DIO2: variants seen among roughly 807,000 people sequenced by gnomAD.
DIO2 encodes the protein type II iodothyronine deiodinase.
In DIO2, 19 loss-of-function variants were observed where a neutral mutation model predicts 21.4. The observed-to-expected ratio is 0.89, with a 90% CI of 0.62 to 1.30. The LOEUF (loss-of-function observed/expected upper bound fraction) is 1.30. DIO2 is among the 50% of genes most tolerant of loss of function. The probability of loss-of-function intolerance (pLI) is 0.00; values close to 1 mark genes in which losing one functional copy is unlikely to be tolerated. For missense variants in DIO2, 302 were observed against 338.1 expected, an observed-to-expected ratio of 0.89 and a Z score of 0.84; for synonymous variants, 122 against 132.9, an observed-to-expected ratio of 0.92 and a Z score of 0.57.
At position 80,199,962 on chromosome 14, in the gene DIO2, A is replaced by C. The variant is rs748325829; in HGVS notation, c.*2727T>G. On this transcript the variant is annotated 3_prime_UTR_variant, in exon 2 of 2. Coordinates refer to ENST00000438257, the MANE Select transcript of DIO2 (RefSeq NM_013989.5). Reference sequence around the variant, plus strand: ...TTATAAAACACATGAAACGCACATGAGTATTGGCAATCTAATAATTTCTCA... The same window carrying C: ...TTATAAAACACATGAAACGCACATGCGTATTGGCAATCTAATAATTTCTCA... The C allele has an allele frequency of 6.6e-6, 1 of 152,614 alleles. No individual in the cohort carries two copies. The highest frequency in any genetic ancestry group is 2.4e-5 in the African/African-American group (1 of 41,442). The allele number at this position is 152,614 out of a possible 1,614,324, so 9.5% of individuals were successfully genotyped here.
rs531136120 is a variant in DIO2, at chr14:80,209,055, A to C, written c.222+2196T>G. 5.3e-5 allele frequency among the ~76,000 whole-genome samples: 8 copies of C among 152,354 alleles called. No individual in the cohort carries two copies. In the East Asian group the frequency reaches 1.5e-3, roughly 29 times the overall value. ...TACAAACCATATGCAAAAAGAAAAA[A>C]CAAATCACTCATCCTTCCCAATTTC... On this transcript the variant is annotated intron_variant, in intron 1 of 1. Coordinates refer to ENST00000438257, the MANE Select transcript of DIO2 (RefSeq NM_013989.5).
At chr14:80,207,008 A>G (rs1277433883) in intron 1 of DIO2, among the ~76,000 whole-genome samples, 1 of 152,154 alleles carries the variant, frequency 6.6e-6, no homozygotes, top group African/African-American at 2.4e-5. Flanking sequence ...TTATTTTGCA[A>G]GGATCAGAAA....
chr14:80,217,456 T>C (rs749649324), intron 2 of DIO2, among the ~76,000 whole-genome samples: 12 of 152,020 alleles, frequency 7.9e-5, no homozygotes, highest in Middle Eastern at 3.2e-3. Flanking sequence ...TGAAGACTAA[T>C]TTTTTTGTCA....
intron 2 of DIO2, among the ~76,000 whole-genome samples, chr14:80,227,626 G>A (rs1191977030): frequency 6.6e-6 from 1 of 152,158 alleles, no homozygotes; most frequent in East Asian, 1.9e-4. Context: ...TCACCTATGA[G>A]GGCCTGCCAA....
chr14:80,219,213 G>C (rs1381602371), intron 2 of DIO2, among the ~76,000 whole-genome samples: 1 of 152,192 alleles, frequency 6.6e-6, no homozygotes, highest in Non-Finnish European at 1.5e-5. Flanking sequence ...GGAAGGTAGG[G>C]CTGGATTTAG....
chr14:80,204,281 C>G (rs1470046210), intron 1 of DIO2, among the ~76,000 whole-genome samples: 1 of 152,040 alleles, frequency 6.6e-6, no homozygotes, highest in Admixed American at 6.5e-5. Context: ...TCTCATTTTC[C>G]ATGTGTGCTT....
At chr14:80,206,349 G>GA (rs763047391) in intron 1 of DIO2, 34 of 1,470,106 alleles carry the variant, frequency 2.3e-5, no homozygotes, top group East Asian at 7.4e-5. Context: ...CTAAAATAAA[G>GA]AAAAAAAACT....
Position 80,198,545 on chromosome 14 carries a change from T to A in DIO2, c.*4144A>T, listed in dbSNP as rs1887575583. On this transcript the variant is annotated 3_prime_UTR_variant, in exon 2 of 2. Coordinates refer to ENST00000438257, the MANE Select transcript of DIO2 (RefSeq NM_013989.5). ...GACCAAGCCCTCAGGGCCTTGTTCT[T>A]CCCAGTTAGCAACTTTCTAGCTCTC... 6.6e-6 allele frequency: 1 copy of A among 152,352 alleles called. No homozygotes were observed. Among genetic ancestry groups the A allele is most frequent in the African/African-American group, 2.4e-5 (1 of 41,436 alleles). 9.4% of individuals were successfully genotyped at this position (152,352 alleles called of 1,614,324 possible). A position where few individuals can be genotyped will look rare whatever the true frequency, so the allele number is the denominator to read the frequency against.
chr14:80,226,312 G>A (rs940076830), intron 2 of DIO2, among the ~76,000 whole-genome samples: 17 of 152,202 alleles, frequency 1.1e-4, no homozygotes, highest in African/African-American at 4.1e-4. Context: ...TGAATTCCAT[G>A]AGCGTGAGCC....
intron 1 of DIO2, among the ~76,000 whole-genome samples, chr14:80,210,757 A>G (rs890387550): frequency 5.9e-5 from 9 of 152,130 alleles, no homozygotes; most frequent in Admixed American, 1.3e-4. Context: ...CACAATTTCT[A>G]TGACCACTTT....
chr14:80,205,734 G>A (rs749866953), intron 1 of DIO2: 3 of 1,279,172 alleles, frequency 2.3e-6, no homozygotes, highest in Non-Finnish European at 1.0e-6. Context: ...AACACTGTCA[G>A]TCTAAAATAA....
At chr14:80,222,000 C>T (rs777295006) in intron 2 of DIO2, among the ~76,000 whole-genome samples, 1 of 151,992 alleles carries the variant, frequency 6.6e-6, no homozygotes, top group Non-Finnish European at 1.5e-5. Flanking sequence ...AATGTAATAC[C>T]CTTCCCCATA....
chr14:80,229,238 T>G (rs1594885003), intron 2 of DIO2, among the ~76,000 whole-genome samples: 1 of 140,472 alleles, frequency 7.1e-6, no homozygotes, highest in African/African-American at 2.7e-5. Context: ...CATGATTAAT[T>G]AGCCAATGCC....
At chr14:80,221,359 T>C (rs1673722141) in intron 2 of DIO2, among the ~76,000 whole-genome samples, 1 of 152,230 alleles carries the variant, frequency 6.6e-6, no homozygotes, top group Admixed American at 6.5e-5. Context: ...ATTTCTAAGC[T>C]AGAAACCAAT....
At position 80,216,796 on chromosome 14, in the gene DIO2, T is replaced by A. The variant is rs368919296; in HGVS notation, c.-277-59A>T. ...GGAAAATGGTCAAAAAAAGTCATCA[T>A]CTCTGGAACAACATTTCCTTTACTT... is the stretch of plus-strand genomic sequence containing the variant. On this transcript the variant is annotated intron_variant, in intron 2 of 4. Transcript: ENST00000553594. The A allele has an allele frequency of 3.9e-5, 6 of 152,288 alleles. No homozygotes were observed. The East Asian group carries it at 1.2e-3, about 29-fold the overall frequency. 9.4% of individuals were successfully genotyped at this position (152,288 alleles called of 1,614,324 possible).
intron 1 of DIO2, among the ~76,000 whole-genome samples, chr14:80,210,037 C>T (rs1233564241): frequency 2.0e-5 from 3 of 152,208 alleles, no homozygotes; most frequent in Non-Finnish European, 4.4e-5. Flanking sequence ...CTGCCTAAAA[C>T]ACACCACTTC....
In DIO2 at chr14:80,219,110, C is replaced by T. The variant is rs185012124; in HGVS notation, c.-277-2373G>A. Among the ~76,000 whole-genome samples, 7 of 152,270 alleles carry T rather than the reference C, an allele frequency of 4.6e-5. No individual in the cohort carries two copies. In the East Asian group the frequency reaches 1.4e-3, roughly 29 times the overall value. On this transcript the variant is annotated intron_variant, in intron 2 of 4. Transcript: ENST00000553594. ...GTCCTGGGACCTGAAAACTATGGAT[C>T]TCAAAAGATTGTCTTTTTATACAAC...
intron 2 of DIO2, among the ~76,000 whole-genome samples, chr14:80,228,753 C>A (rs1404539741): frequency 1.3e-5 from 2 of 150,778 alleles, no homozygotes; most frequent in Non-Finnish European, 3.0e-5. Flanking sequence ...GTCTGGGGAC[C>A]CACTGGACCC....
intron 1 of DIO2, among the ~76,000 whole-genome samples, chr14:80,207,611 A>G (rs1003366058): frequency 1.3e-5 from 2 of 152,224 alleles, no homozygotes; most frequent in African/African-American, 4.8e-5. Context: ...ATTCTTTGAC[A>G]TAATGACCAG....
Sources: allele counts gnomAD v4.1 joint callset (sites outside exome capture counted in the v4.1 genomes callset), GRCh38; gene constraint gnomAD v4.1.1; transcripts MANE v1.5; gene names NCBI Gene and HGNC (gene_info 2026-07-23, HGNC 2026-07-21).